ADGRV1: variants seen among roughly 807,000 people sequenced by gnomAD.
The protein encoded by ADGRV1 is adhesion G protein-coupled receptor V1.
ADGRV1 carries 359 observed loss-of-function variants against 596.2 expected under a neutral mutation model. That is an observed-to-expected ratio of 0.60 (90% CI 0.55 to 0.66). The LOEUF (loss-of-function observed/expected upper bound fraction) is 0.66, where lower values mean the gene tolerates loss of function less well. ADGRV1 is among the 30% of genes least tolerant of loss of function. The pLI, the probability that ADGRV1 is intolerant of heterozygous loss-of-function variation, is 0.00. For missense variants in ADGRV1, 7,274 were observed against 7,575.6 expected (o/e 0.96, Z 1.48); for synonymous variants, 2,681 against 2,679.2 (o/e 1.00, Z -0.02).
chr5:90,708,138 A>T (rs1748854973), intron 38 of ADGRV1, among the ~76,000 whole-genome samples: 1 of 151,340 alleles, frequency 6.6e-6, no homozygotes, highest in Non-Finnish European at 1.5e-5. Context: ...GTTTCTTTGT[A>T]AATATTGATG....
In ADGRV1 at chr5:90,965,519, G is replaced by T; in HGVS notation, c.17961G>T (p.Trp5987Cys). ...THYLYLCQFSWMLIQSVNFWY... is the reference protein window; with the variant it reads ...THYLYLCQFSCMLIQSVNFWY... ...ACCTGTATCTTTGCCAGTTTAGCTGGATGCTCATTCAGGTTGGTACCTCAT... is the reference window on the plus strand; with the variant it reads ...ACCTGTATCTTTGCCAGTTTAGCTGTATGCTCATTCAGGTTGGTACCTCAT... The change falls in exon 84 of 90, where the codon TGG (tryptophan) becomes TGT (cysteine). Residue 5987 changes from tryptophan to cysteine, a missense_variant. Around this residue, in one of 5 missense-constraint regions of ADGRV1, gnomAD observed 1,874 missense variants for 1,970.2 expected, o/e 0.95. Transcript: ENST00000405460. The T allele has an allele frequency of 1.2e-6, 2 of 1,605,548 alleles. No individual in the cohort carries two copies. Among genetic ancestry groups the T allele is most frequent in the East Asian group, 4.5e-5 (2 of 44,800 alleles).
intron 85 of ADGRV1, among the ~76,000 whole-genome samples, chr5:91,060,651 T>C (rs891474169): frequency 3.3e-5 from 5 of 152,188 alleles, no homozygotes; most frequent in Non-Finnish European, 1.5e-5. Flanking sequence ...CTTTAACCGA[T>C]GATTTCTTAA....
intron 85 of ADGRV1, among the ~76,000 whole-genome samples, chr5:91,041,171 T>C (rs1370117582): frequency 1.3e-5 from 2 of 152,168 alleles, no homozygotes; most frequent in Non-Finnish European, 2.9e-5. Context: ...CATTCTACTA[T>C]AAAGACACAT....
chr5:90,729,425 C>G (rs1752238405), intron 49 of ADGRV1, among the ~76,000 whole-genome samples: 1 of 152,144 alleles, frequency 6.6e-6, no homozygotes, highest in South Asian at 2.1e-4. Flanking sequence ...CTTTCTTTAA[C>G]ATTATATCAT....
At position 90,958,053 on chromosome 5, in the gene ADGRV1, A is replaced by T. The variant is rs115656828; in HGVS notation, c.17857-7362A>T. On this transcript the variant is annotated intron_variant, in intron 83 of 89. Transcript: ENST00000405460. ...TTATTTGGGAGGCTGAAGCAGGTGG[A>T]TCACCTGAGCTCAGGATTGCAAGAC... Among the ~76,000 whole-genome samples, 1,362 of 152,144 alleles carry T rather than the reference A, an allele frequency of 9.0e-3. 19 individuals carry two copies. The highest frequency in any genetic ancestry group is 0.032 in the African/African-American group (1,314 of 41,528).
At chr5:90,816,057 A>G (rs1762861969) in intron 75 of ADGRV1, among the ~76,000 whole-genome samples, 1 of 152,202 alleles carries the variant, frequency 6.6e-6, no homozygotes, top group Non-Finnish European at 1.5e-5. Context: ...TGGAGTACCA[A>G]AACTTTGTTT....
At chr5:90,611,217 A>G (rs1306174271) in intron 1 of ADGRV1, among the ~76,000 whole-genome samples, 1 of 151,910 alleles carries the variant, frequency 6.6e-6, no homozygotes, top group African/African-American at 2.4e-5. Context: ...AGCTGGTCTA[A>G]TATAGTCCAG....
At chr5:90,639,634 G>T (rs573829845) in intron 11 of ADGRV1, among the ~76,000 whole-genome samples, 130 of 152,220 alleles carry the variant, frequency 8.5e-4, no homozygotes, top group Non-Finnish European at 1.3e-3. Flanking sequence ...TCAAATAGAG[G>T]AAATTAGTTC....
At chr5:91,064,229 A>G (rs1787692151) in intron 85 of ADGRV1, among the ~76,000 whole-genome samples, 1 of 152,368 alleles carries the variant, frequency 6.6e-6, no homozygotes, top group East Asian at 1.9e-4. Context: ...CCCTGTCCTC[A>G]AAAGAACACT....
intron 89 of ADGRV1, among the ~76,000 whole-genome samples, chr5:91,155,626 T>G (rs1796416423): frequency 6.6e-6 from 1 of 152,220 alleles, no homozygotes; most frequent in African/African-American, 2.4e-5. Context: ...CCATTTTGCT[T>G]AATTTAACCT....
At position 90,790,872 on chromosome 5, in the gene ADGRV1, G is replaced by T. The variant is rs1223656686; in HGVS notation, c.14044-1G>T. The T allele has an allele frequency of 6.3e-7, 1 of 1,581,070 alleles. No individual in the cohort carries two copies. Among genetic ancestry groups the T allele is most frequent in the African/African-American group, 1.4e-5 (1 of 73,496 alleles). ...TGTTGAGTTTTTTTCTTTTATTTTA[G>T]GTTTACTGGGAATTAAGTAGTGAGT... On this transcript the variant is annotated splice_acceptor_variant, in intron 69 of 89. Coordinates refer to ENST00000405460, the MANE Select transcript of ADGRV1 (RefSeq NM_032119.4). LOFTEE classifies it high-confidence loss of function.
chr5:90,890,356 C>T (rs1439802542), intron 83 of ADGRV1, among the ~76,000 whole-genome samples: 1 of 152,088 alleles, frequency 6.6e-6, no homozygotes, highest in Admixed American at 6.6e-5. Flanking sequence ...ATGGTTTCCA[C>T]CCTTTTGCTC....
At chr5:90,829,694 G>T (rs1028686401) in intron 77 of ADGRV1, among the ~76,000 whole-genome samples, 2 of 152,178 alleles carry the variant, frequency 1.3e-5, no homozygotes, top group Admixed American at 6.5e-5. Context: ...GCTATCTGGG[G>T]ACTCAGAAGA....
intron 85 of ADGRV1, chr5:91,031,091 G>A: frequency 1.4e-6 from 2 of 1,423,444 alleles, no homozygotes; most frequent in Non-Finnish European, 2.0e-6. Context: ...CAGTAGCTCA[G>A]TGTTTTGGGA....
At position 90,783,957 on chromosome 5, in the gene ADGRV1, G is replaced by A; in HGVS notation, c.13553G>A (p.Arg4518Lys). ...AGTGACTCTCCCTTTGGAGTTATAAGGTTTCTCAATCAAAGCAAAATTTCT... is the reference window on the plus strand; with the variant it reads ...AGTGACTCTCCCTTTGGAGTTATAAAGTTTCTCAATCAAAGCAAAATTTCT... ...AKSDSPFGVI[R>K]FLNQSKISIA... is the part of the protein sequence containing the mutation. The change falls in exon 67 of 90, where the codon AGG (arginine) becomes AAG (lysine). Residue 4518 changes from arginine to lysine, a missense_variant. Transcript: ENST00000405460. 3 of 1,612,254 alleles carry A rather than the reference G, an allele frequency of 1.9e-6. No individual in the cohort carries two copies. The highest frequency in any genetic ancestry group is 2.5e-6 in the Non-Finnish European group (3 of 1,179,182).
At chr5:91,034,798 A>G (rs1446381800) in intron 85 of ADGRV1, among the ~76,000 whole-genome samples, 1 of 152,168 alleles carries the variant, frequency 6.6e-6, no homozygotes, top group Non-Finnish European at 1.5e-5. Context: ...GTTTTGGTGG[A>G]CATCCTCTTT....
At chr5:91,094,686 A>C (rs1790697283) in intron 86 of ADGRV1, among the ~76,000 whole-genome samples, 1 of 152,182 alleles carries the variant, frequency 6.6e-6, no homozygotes. Flanking sequence ...ATATGAAGGA[A>C]AATGGGGCAT....
intron 83 of ADGRV1, among the ~76,000 whole-genome samples, chr5:90,955,602 G>A (rs554205376): frequency 8.5e-4 from 130 of 152,272 alleles, no homozygotes; most frequent in Middle Eastern, 6.8e-3. Context: ...TTTGTAAAAT[G>A]CTCTCATATT....
At chr5:91,083,154 C>T (rs12652491) in intron 86 of ADGRV1, among the ~76,000 whole-genome samples, 65,437 of 151,392 alleles carry the variant, frequency 0.43, 16,462 homozygotes, top group Non-Finnish European at 0.57. Flanking sequence ...GAAAACCAAA[C>T]ACCGCATGTT....
Sources: allele counts gnomAD v4.1 joint callset (sites outside exome capture counted in the v4.1 genomes callset), GRCh38; gene constraint gnomAD v4.1.1; regional missense constraint gnomAD v4.1.1; transcripts MANE v1.5; gene names NCBI Gene and HGNC (gene_info 2026-07-23, HGNC 2026-07-21).